The following SPATA6 variants were observed in gnomAD, a reference collection of about 807,000 sequenced individuals.
The protein encoded by SPATA6 is spermatogenesis-associated protein 6.
Under a neutral mutation model 65.3 loss-of-function variants are expected in SPATA6, and 56 were observed. The observed-to-expected ratio is 0.86, with a 90% CI of 0.69 to 1.07. SPATA6 has a LOEUF of 1.07. SPATA6 is among the 50% of genes least tolerant of loss of function. SPATA6 has a pLI of 0.00. For missense variants in SPATA6, 590 were observed against 594.8 expected, an observed-to-expected ratio of 0.99 and a Z score of 0.08; for synonymous variants, 199 against 213.2, an observed-to-expected ratio of 0.93 and a Z score of 0.58.
chr1:48,463,541 G>A (rs570878342), intron 1 of SPATA6, among the ~76,000 whole-genome samples: 2 of 152,214 alleles, frequency 1.3e-5, no homozygotes, highest in South Asian at 2.1e-4. Context: ...GCAACTGGAA[G>A]CAAATCAAGT....
chr1:48,313,767 A>T (rs1477093383), intron 11 of SPATA6, among the ~76,000 whole-genome samples: 2 of 152,204 alleles, frequency 1.3e-5, no homozygotes, highest in Admixed American at 1.3e-4. Context: ...ATAAAGAGTC[A>T]AGACCCATCA....
chr1:48,328,715 G>A (rs1265928767), intron 11 of SPATA6, among the ~76,000 whole-genome samples: 1 of 152,134 alleles, frequency 6.6e-6, no homozygotes, highest in Non-Finnish European at 1.5e-5. Context: ...AAAAGCCATT[G>A]AACTGTGTAC....
At chr1:48,320,840 T>C (rs773732569) in intron 11 of SPATA6, among the ~76,000 whole-genome samples, 1 of 152,046 alleles carries the variant, frequency 6.6e-6, no homozygotes, top group South Asian at 2.1e-4. Flanking sequence ...AAGATAAAAA[T>C]AGGAAAAACA....
chr1:48,380,921 G>A (rs1557641810), intron 9 of SPATA6, among the ~76,000 whole-genome samples: 2 of 152,170 alleles, frequency 1.3e-5, no homozygotes, highest in Non-Finnish European at 2.9e-5. Flanking sequence ...CCAGTTTTGT[G>A]GAAGACAATT....
At chr1:48,312,546 T>A (rs1557542254) in intron 11 of SPATA6, among the ~76,000 whole-genome samples, 1 of 152,166 alleles carries the variant, frequency 6.6e-6, no homozygotes, top group Non-Finnish European at 1.5e-5. Context: ...AACCCATCTG[T>A]ACGTCACCAT....
intron 9 of SPATA6, among the ~76,000 whole-genome samples, chr1:48,367,114 G>C (rs554426868): frequency 1.3e-5 from 2 of 152,270 alleles, no homozygotes; most frequent in South Asian, 4.1e-4. Context: ...TTTTGAGTGA[G>C]TTTCTTAATC....
chr1:48,422,805 T>C (rs1255006613), intron 3 of SPATA6, among the ~76,000 whole-genome samples: 2 of 152,134 alleles, frequency 1.3e-5, no homozygotes, highest in Non-Finnish European at 1.5e-5. Flanking sequence ...CAATGTCAAC[T>C]AAAAACAGGC....
At chr1:48,343,761 T>C (rs572168315) in intron 11 of SPATA6, among the ~76,000 whole-genome samples, 1 of 152,104 alleles carries the variant, frequency 6.6e-6, no homozygotes, top group South Asian at 2.1e-4. Flanking sequence ...TATACGGGAA[T>C]ACAAATACAA....
intron 5 of SPATA6, among the ~76,000 whole-genome samples, chr1:48,410,536 T>G (rs1652120655): frequency 6.6e-6 from 1 of 152,200 alleles, no homozygotes; most frequent in African/African-American, 2.4e-5. Flanking sequence ...TGTACTGTAT[T>G]AATCCATTGT....
At chr1:48,462,523 T>C (rs1049939422) in intron 1 of SPATA6, among the ~76,000 whole-genome samples, 3 of 152,074 alleles carry the variant, frequency 2.0e-5, no homozygotes, top group African/African-American at 7.2e-5. Flanking sequence ...TACATAATCA[T>C]AGTGAAGATT....
intron 7 of SPATA6, among the ~76,000 whole-genome samples, chr1:48,396,474 C>G (rs12726000): frequency 0.11 from 16,184 of 151,636 alleles, 1,128 homozygotes; most frequent in Non-Finnish European, 0.16. Context: ...CACTGTGACA[C>G]AGCAACATTA....
chr1:48,278,017 G>A, the SPATA6 span, among the ~76,000 whole-genome samples: 28 of 152,240 alleles, frequency 1.8e-4, no homozygotes, highest in African/African-American at 5.5e-4. Context: ...CAGCATTCAC[G>A]GTTCAAGAAA....
At chr1:48,432,205 T>G (rs879647982) in intron 3 of SPATA6, among the ~76,000 whole-genome samples, 4 of 152,032 alleles carry the variant, frequency 2.6e-5, no homozygotes, top group African/African-American at 9.7e-5. Context: ...TAAAAATATA[T>G]AGAACAAAGG....
chr1:48,261,750 C>T, the SPATA6 span, among the ~76,000 whole-genome samples: 2 of 152,140 alleles, frequency 1.3e-5, no homozygotes. Context: ...ATACTCAATA[C>T]AAAGAATTGC....
intron 1 of SPATA6, among the ~76,000 whole-genome samples, chr1:48,455,421 C>A (rs547900075): frequency 2.9e-4 from 43 of 149,052 alleles, no homozygotes; most frequent in African/African-American, 9.9e-4. Context: ...CTCTGTCTGT[C>A]GTCCAGGCTG....
intron 11 of SPATA6, among the ~76,000 whole-genome samples, chr1:48,348,807 A>G (rs530013533): frequency 1.3e-5 from 2 of 152,174 alleles, no homozygotes; most frequent in South Asian, 4.1e-4. Context: ...AACATGAATT[A>G]AAGCTTATCT....
intron 11 of SPATA6, among the ~76,000 whole-genome samples, chr1:48,346,953 A>G (rs189399626): frequency 6.6e-6 from 1 of 152,106 alleles, no homozygotes; most frequent in African/African-American, 2.4e-5. Context: ...TTCTTCACAG[A>G]AATAGAAAAA....
intron 6 of SPATA6, among the ~76,000 whole-genome samples, chr1:48,402,459 T>C (rs1318996227): frequency 6.6e-6 from 1 of 152,014 alleles, no homozygotes; most frequent in Non-Finnish European, 1.5e-5. Flanking sequence ...TGCACATCTC[T>C]AAAACAAGTC....
intron 3 of SPATA6, among the ~76,000 whole-genome samples, chr1:48,450,125 G>A (rs1656429108): frequency 1.3e-5 from 2 of 151,926 alleles, no homozygotes; most frequent in Admixed American, 1.3e-4. Context: ...AGAGAGGTCA[G>A]GGATAAAGAC....
Sources: gnomAD v4.1 joint callset for allele counts (sites outside exome capture counted in the v4.1 genomes callset) on GRCh38, gnomAD v4.1.1 for gene constraint, MANE v1.5 for transcripts, NCBI Gene and HGNC (gene_info 2026-07-23, HGNC 2026-07-21) for gene names.